TRIM36: variants seen among roughly 807,000 people sequenced by gnomAD.
TRIM36 encodes tripartite motif containing 36.
Under a neutral mutation model 72.4 loss-of-function variants are expected in TRIM36, and 42 were observed. The ratio of observed to expected loss-of-function variants is 0.58; its 90% CI spans 0.45 to 0.75. TRIM36 has a LOEUF of 0.75. Ranked by LOEUF, TRIM36 falls within the 30% of genes least tolerant of loss-of-function variation. The probability of loss-of-function intolerance (pLI) is 0.00; values close to 1 mark genes in which losing one functional copy is unlikely to be tolerated. For synonymous variants in TRIM36, 315 were observed against 282.8 expected, an observed-to-expected ratio of 1.11 and a Z score of -1.14; for missense variants, 913 against 857.1, an observed-to-expected ratio of 1.07 and a Z score of -0.81.
rs750011920 is a variant in TRIM36, at chr5:115,141,379, T to A, written c.736-5A>T. 1 of 1,574,004 alleles carries A rather than the reference T, an allele frequency of 6.4e-7. No homozygotes were observed. Among genetic ancestry groups the A allele is most frequent in the Non-Finnish European group, 8.6e-7 (1 of 1,165,972 alleles). On this transcript the variant is annotated splice_polypyrimidine_tract_variant and splice_region_variant and intron_variant, in intron 4 of 9. Transcript: ENST00000513154. Reference sequence around the variant, plus strand: ...AATATCCTTTGAAAGCTTTTCCTGTTGAAACATATTCGTAACACAAATAGA... The same window carrying A: ...AATATCCTTTGAAAGCTTTTCCTGTAGAAACATATTCGTAACACAAATAGA...
upstream of TRIM36, among the ~76,000 whole-genome samples, chr5:115,172,719 G>C (rs1317696565): frequency 9.3e-5 from 14 of 151,272 alleles, no homozygotes; most frequent in Admixed American, 8.5e-4. Flanking sequence ...CTTGGCGACA[G>C]AGCGAGACTC....
At chr5:115,166,902 C>T (rs1312070206) in intron 1 of TRIM36, among the ~76,000 whole-genome samples, 4 of 152,084 alleles carry the variant, frequency 2.6e-5, no homozygotes, top group African/African-American at 9.7e-5. Flanking sequence ...CCCATACTGG[C>T]ACCTGGACCT....
chr5:115,159,915 T>C (rs567294728), intron 2 of TRIM36, among the ~76,000 whole-genome samples: 5 of 152,178 alleles, frequency 3.3e-5, no homozygotes, highest in African/African-American at 1.2e-4. Context: ...TTGTTCTATA[T>C]AGATTTGTAT....
At chr5:115,158,782 C>A (rs1754323392) in intron 2 of TRIM36, among the ~76,000 whole-genome samples, 1 of 152,208 alleles carries the variant, frequency 6.6e-6, no homozygotes, top group East Asian at 1.9e-4. Flanking sequence ...AAGCAAACTG[C>A]TCCTATCTTT....
intron 3 of TRIM36, among the ~76,000 whole-genome samples, chr5:115,145,315 C>T (rs1040547543): frequency 2.6e-5 from 4 of 152,096 alleles, no homozygotes; most frequent in African/African-American, 7.2e-5. Context: ...TCATTGTCTA[C>T]CTTTTTATTT....
intron 2 of TRIM36, among the ~76,000 whole-genome samples, chr5:115,156,264 G>T (rs567874159): frequency 6.6e-6 from 1 of 151,458 alleles, no homozygotes; most frequent in East Asian, 1.9e-4. Context: ...ATTCCATGCA[G>T]TCCCCATCAA....
intron 1 of TRIM36, among the ~76,000 whole-genome samples, chr5:115,176,711 T>G (rs963762300): frequency 6.6e-6 from 1 of 152,156 alleles, no homozygotes; most frequent in African/African-American, 2.4e-5. Context: ...GTGAGGCAAA[T>G]CTTACAAGAG....
chr5:115,143,923 T>A lies in TRIM36; in HGVS notation c.735+675A>T, dbSNP rs1753429230. 2.0e-5 allele frequency among the ~76,000 whole-genome samples: 3 copies of A among 152,190 alleles called. No individual in the cohort carries two copies. In the South Asian group the frequency reaches 6.2e-4, roughly 32 times the overall value. ...TCTCACTCTGTCACCCAGGCTGGAG[T>A]GCAGTGGCGCGATCTCAGCTCACTG... On this transcript the variant is annotated intron_variant, in intron 4 of 9. Transcript: ENST00000513154.
chr5:115,136,125 G>A (rs577172347), intron 7 of TRIM36, among the ~76,000 whole-genome samples: 131 of 144,940 alleles, frequency 9.0e-4, no homozygotes, highest in African/African-American at 3.0e-3. Context: ...CCCACCCCTC[G>A]CCACTGGAAA....
intron 2 of TRIM36, among the ~76,000 whole-genome samples, chr5:115,156,588 T>C (rs1754192109): frequency 1.3e-5 from 2 of 152,064 alleles, no homozygotes; most frequent in South Asian, 2.1e-4. Context: ...TTTCAAGAAA[T>C]GGTGCTGGGA....
At position 115,125,820 on chromosome 5, in the gene TRIM36, C is replaced by CT. The variant is rs1230646047; in HGVS notation, c.*682dup. ...TGTTTTCTGCAAGAAACCATGCTTA[C>CT]TACCCATGCTGTTAAATGAGTGTTA... On this transcript the variant is annotated 3_prime_UTR_variant, in exon 10 of 10. Coordinates refer to ENST00000513154, the MANE Select transcript of TRIM36 (RefSeq NM_001300759.2). 6.6e-6 allele frequency: 1 copy of CT among 152,094 alleles called. No homozygotes were observed. The highest frequency in any genetic ancestry group is 1.5e-5 in the Non-Finnish European group (1 of 67,994). 9.4% of individuals were successfully genotyped at this position (152,094 alleles called of 1,614,324 possible).
intron 1 of TRIM36, among the ~76,000 whole-genome samples, chr5:115,176,643 A>G (rs566648333): frequency 2.6e-5 from 4 of 152,330 alleles, no homozygotes; most frequent in East Asian, 1.9e-4. Flanking sequence ...TTTGAATTCT[A>G]TATTCCTTGT....
At chr5:115,163,491 A>T (rs1754594956) in intron 2 of TRIM36, 27 bp downstream of exon 2, 1 of 1,597,582 alleles carries the variant, frequency 6.3e-7, no homozygotes, top group African/African-American at 1.3e-5. Context: ...CCCCACTACC[A>T]TCCCAGCCCA....
chr5:115,175,490 T>A (rs1237837657), intron 1 of TRIM36, among the ~76,000 whole-genome samples: 4 of 152,164 alleles, frequency 2.6e-5, no homozygotes, highest in African/African-American at 9.7e-5. Flanking sequence ...CTATGGGCTA[T>A]ATACTACATG....
At position 115,147,211 on chromosome 5, in the gene TRIM36, T is replaced by C; in HGVS notation, c.446A>G (p.Lys149Arg). The part of the protein sequence containing the change: ...AATAIMCDLC[K>R]PPPQESTKSC... The stretch of plus-strand genomic sequence containing the variant: ...TTTTGTGGATTCTTGAGGTGGTGGT[T>C]TACAAAGGTCACACATAATGGCTGT... Residue 149 changes from lysine (K) to arginine (R), a missense_variant, in exon 3 of 10, where the codon AAA becomes AGA. Coordinates refer to ENST00000513154, the MANE Select transcript of TRIM36 (RefSeq NM_001300759.2). 1 of 1,614,198 alleles carries C rather than the reference T, an allele frequency of 6.2e-7. No homozygotes were observed. Among genetic ancestry groups the C allele is most frequent in the Non-Finnish European group, 8.5e-7 (1 of 1,180,042 alleles).
chr5:115,166,339 G>C (rs1293329928), intron 1 of TRIM36, among the ~76,000 whole-genome samples: 1 of 152,154 alleles, frequency 6.6e-6, no homozygotes, highest in Non-Finnish European at 1.5e-5. Context: ...ATGATAGGAC[G>C]ACCTGCCTGC....
chr5:115,164,529 CA>C (rs1754657696), intron 1 of TRIM36, among the ~76,000 whole-genome samples: 1 of 152,144 alleles, frequency 6.6e-6, no homozygotes, highest in African/African-American at 2.4e-5. Context: ...TGAGAGAGAG[CA>C]AGAGCAGGGA....
intron 1 of TRIM36, among the ~76,000 whole-genome samples, chr5:115,176,576 A>G (rs189563168): frequency 1.3e-3 from 194 of 152,338 alleles, no homozygotes; most frequent in African/African-American, 4.5e-3. Flanking sequence ...CCTTCTGGCT[A>G]TTTACACATA....
At chr5:115,160,589 G>A (rs1561442344) in intron 2 of TRIM36, among the ~76,000 whole-genome samples, 3 of 152,284 alleles carry the variant, frequency 2.0e-5, no homozygotes, top group Admixed American at 6.5e-5. Context: ...TGTAATCCCA[G>A]CACTTTGGAA....
Sources: allele counts gnomAD v4.1 joint callset (sites outside exome capture counted in the v4.1 genomes callset), GRCh38; gene constraint gnomAD v4.1.1; transcripts MANE v1.5; gene names NCBI Gene and HGNC (gene_info 2026-07-23, HGNC 2026-07-21).